DOCK4: variants seen among roughly 807,000 people sequenced by gnomAD.
The protein encoded by DOCK4 is dedicator of cytokinesis 4.
DOCK4 carries 97 observed loss-of-function variants against 268.1 expected under a neutral mutation model. That is an observed-to-expected ratio of 0.36 (90% CI 0.31 to 0.43). The LOEUF (loss-of-function observed/expected upper bound fraction) is 0.43, where lower values mean the gene tolerates loss of function less well. Ranked by LOEUF, DOCK4 falls within the 20% of genes least tolerant of loss-of-function variation. The pLI is 1.00. For synonymous variants in DOCK4, 954 were observed against 887.2 expected, an observed-to-expected ratio of 1.08 and a Z score of -1.34; for missense variants, 2,145 against 2,455.7, an observed-to-expected ratio of 0.87 and a Z score of 2.67.
At chr7:111,809,226 C>CT in intron 29 of DOCK4, 75 bp downstream of exon 29, 1 of 1,212,072 alleles carries the variant, frequency 8.3e-7, no homozygotes. Context: ...TATGCGCATT[C>CT]TGATTTATGA....
chr7:111,761,980 C>A (rs1292696854), intron 39 of DOCK4, among the ~76,000 whole-genome samples: 1 of 151,964 alleles, frequency 6.6e-6, no homozygotes, highest in Non-Finnish European at 1.5e-5. Context: ...ACAGGAGCCC[C>A]CAAATAAATA....
At chr7:111,974,736 A>G (rs770428612) in intron 8 of DOCK4, among the ~76,000 whole-genome samples, 7 of 151,720 alleles carry the variant, frequency 4.6e-5, no homozygotes, top group Non-Finnish European at 7.4e-5. Context: ...CTTGGGGAAC[A>G]CAAACACAAC....
At chr7:111,835,513 C>T (rs1255980541) in intron 25 of DOCK4, among the ~76,000 whole-genome samples, 1 of 152,168 alleles carries the variant, frequency 6.6e-6, no homozygotes, top group Non-Finnish European at 1.5e-5. Context: ...CTATCACTTG[C>T]ATTTTTGAAT....
intron 44 of DOCK4, among the ~76,000 whole-genome samples, chr7:111,745,931 C>T (rs928098486): frequency 2.7e-4 from 41 of 152,012 alleles, no homozygotes; most frequent in African/African-American, 9.9e-4. Context: ...ACTTCATGCA[C>T]AAAATTATTA....
At chr7:111,887,011 C>T (rs543203737) in intron 16 of DOCK4, among the ~76,000 whole-genome samples, 1 of 152,196 alleles carries the variant, frequency 6.6e-6, no homozygotes, top group African/African-American at 2.4e-5. Flanking sequence ...GGGAATTTTT[C>T]AATACATAAA....
intron 1 of DOCK4, among the ~76,000 whole-genome samples, chr7:112,197,070 G>C (rs2116845612): frequency 6.6e-6 from 1 of 152,130 alleles, no homozygotes; most frequent in Admixed American, 6.5e-5. Context: ...CGTGAATTTT[G>C]CCAACAGACG....
intron 1 of DOCK4, among the ~76,000 whole-genome samples, chr7:112,088,231 ATTC>A (rs1809301417): frequency 6.6e-6 from 1 of 152,146 alleles, no homozygotes; most frequent in South Asian, 2.1e-4. Flanking sequence ...ATACATGGTC[ATTC>A]TTCTTCAAGT....
At chr7:111,745,886 C>G (rs564439550) in intron 44 of DOCK4, among the ~76,000 whole-genome samples, 1 of 151,924 alleles carries the variant, frequency 6.6e-6, no homozygotes, top group African/African-American at 2.4e-5. Context: ...GTGGAAAATT[C>G]CACACCCAAC....
At chr7:111,889,528 T>A (rs572409037) in intron 16 of DOCK4, among the ~76,000 whole-genome samples, 36 of 152,146 alleles carry the variant, frequency 2.4e-4, no homozygotes, top group Non-Finnish European at 4.6e-4. Context: ...AAGTTTGAGA[T>A]AAGCAGAGAA....
In DOCK4 at chr7:111,852,594, T is replaced by C. The variant is rs545036180; in HGVS notation, c.2474-5468A>G. ...AAAGGAAGATAAAGCTTATCTGATA[T>C]GTTCCTTCAGCTAGGGGGATTTGAT... On this transcript the variant is annotated intron_variant, in intron 23 of 52. Transcript: ENST00000428084. 5.3e-5 allele frequency among the ~76,000 whole-genome samples: 8 copies of C among 152,090 alleles called. No individual in the cohort carries two copies. In the East Asian group the frequency reaches 9.7e-4, roughly 18 times the overall value.
intron 1 of DOCK4, among the ~76,000 whole-genome samples, chr7:112,060,069 T>A (rs369595997): frequency 6.6e-5 from 10 of 152,228 alleles, no homozygotes; most frequent in African/African-American, 2.2e-4. Flanking sequence ...ACCAAGTTCA[T>A]AGGACACACT....
intron 6 of DOCK4, among the ~76,000 whole-genome samples, chr7:111,987,940 G>A (rs1158109543): frequency 6.6e-6 from 1 of 152,220 alleles, no homozygotes; most frequent in East Asian, 1.9e-4. Flanking sequence ...AGTCCTCTGA[G>A]TGAGATGGAG....
At chr7:111,841,447 C>G (rs1586146812) in intron 25 of DOCK4, among the ~76,000 whole-genome samples, 1 of 152,204 alleles carries the variant, frequency 6.6e-6, no homozygotes, top group East Asian at 1.9e-4. Flanking sequence ...AGGCATAAGA[C>G]ACCGCGCCTG....
At chr7:111,885,914 T>C (rs912589765) in intron 16 of DOCK4, among the ~76,000 whole-genome samples, 5 of 152,176 alleles carry the variant, frequency 3.3e-5, no homozygotes, top group South Asian at 2.1e-4. Flanking sequence ...TGGCTCACAG[T>C]GTATTTCTTT....
chr7:111,845,071 T>A (rs1329368256), intron 24 of DOCK4, among the ~76,000 whole-genome samples, 174 bp from the exon 25 acceptor site: 1 of 152,054 alleles, frequency 6.6e-6, no homozygotes, highest in African/African-American at 2.4e-5. Flanking sequence ...TACCCAAGAG[T>A]ACACAACTCA....
chr7:112,164,971 G>C (rs1817462899), intron 1 of DOCK4, among the ~76,000 whole-genome samples: 1 of 152,104 alleles, frequency 6.6e-6, no homozygotes, highest in African/African-American at 2.4e-5. Flanking sequence ...CTAAGAACTG[G>C]CATCAGCAGA....
chr7:111,869,538 T>C, intron 21 of DOCK4, 36 bp downstream of exon 21: 2 of 1,589,960 alleles, frequency 1.3e-6, no homozygotes, highest in Non-Finnish European at 1.7e-6. Flanking sequence ...GCAACAGCTT[T>C]GTTAGACTCT....
chr7:112,025,939 TG>T (rs1802749697), intron 1 of DOCK4, among the ~76,000 whole-genome samples: 1 of 152,302 alleles, frequency 6.6e-6, no homozygotes, highest in Admixed American at 6.5e-5. Context: ...CCCCCAACCC[TG>T]GGGCTTCACC....
At chr7:111,955,161 T>C (rs1316204660) in intron 8 of DOCK4, among the ~76,000 whole-genome samples, 1 of 152,006 alleles carries the variant, frequency 6.6e-6, no homozygotes, top group East Asian at 1.9e-4. Context: ...AATGACAGAG[T>C]TTTTCCTTGG....
Sources: gnomAD v4.1 joint callset for allele counts (sites outside exome capture counted in the v4.1 genomes callset) on GRCh38, gnomAD v4.1.1 for gene constraint, MANE v1.5 for transcripts, NCBI Gene and HGNC (gene_info 2026-07-23, HGNC 2026-07-21) for gene names.